DKK3: variants seen among roughly 807,000 people sequenced by gnomAD.
DKK3 encodes the protein dickkopf-related protein 3.
A neutral mutation model predicts 33.2 loss-of-function variants in DKK3; 22 were observed. The observed-to-expected ratio is 0.66, with a 90% CI of 0.47 to 0.95. The LOEUF is 0.95. Among genes scored for constraint, DKK3 ranks in the 40% least tolerant of loss-of-function variants. The probability of loss-of-function intolerance (pLI) is 0.00; values close to 1 mark genes in which losing one functional copy is unlikely to be tolerated. For missense variants in DKK3, 398 were observed against 458.4 expected, an observed-to-expected ratio of 0.87 and a Z score of 1.20; for synonymous variants, 194 against 188.8, an observed-to-expected ratio of 1.03 and a Z score of -0.23.
intron 3 of DKK3, among the ~76,000 whole-genome samples, chr11:11,987,419 C>T (rs532153848): frequency 6.6e-6 from 1 of 152,334 alleles, no homozygotes; most frequent in Middle Eastern, 3.4e-3. Flanking sequence ...AACTACATCC[C>T]TCCCATCTCT....
intron 3 of DKK3, among the ~76,000 whole-genome samples, chr11:11,969,854 G>T (rs1847686483): frequency 6.6e-6 from 1 of 152,202 alleles, no homozygotes; most frequent in African/African-American, 2.4e-5. Context: ...TTTTGTTTCA[G>T]TTACTTTCCC....
rs1280538270 is a variant in DKK3 at position 12,002,346 on chromosome 11, G to GT, written c.304dup (p.Thr102AsnfsTer6). On this transcript the variant is annotated frameshift_variant, in exon 2 of 7. Coordinates refer to ENST00000683431, the MANE Select transcript of DKK3 (RefSeq NM_001018057.2). LOFTEE classifies it high-confidence loss of function. Reference sequence around the variant, plus strand: ...ATGGATGGTATTATTTCCAACCTTCGTGTCTGTGTTGGTCTCATTGTGATA... The same window carrying GT: ...ATGGATGGTATTATTTCCAACCTTCGTTGTCTGTGTTGGTCTCATTGTGATA... 9.3e-6 allele frequency: 15 copies of GT among 1,614,054 alleles called. No individual in the cohort carries two copies. The highest frequency in any genetic ancestry group is 1.2e-5 in the Non-Finnish European group (14 of 1,179,994).
At chr11:11,967,513 G>C (rs559914670) in intron 4 of DKK3, among the ~76,000 whole-genome samples, 7 of 152,362 alleles carry the variant, frequency 4.6e-5, no homozygotes, top group Non-Finnish European at 1.0e-4. Context: ...GTGGGTGCCA[G>C]GGTCCTGCAG....
intron 1 of DKK3, among the ~76,000 whole-genome samples, chr11:12,003,065 C>CT (rs1469870269): frequency 2.0e-5 from 3 of 152,218 alleles, no homozygotes; most frequent in African/African-American, 7.2e-5. Flanking sequence ...GGATGGAGCC[C>CT]TAGATGCCCG....
At chr11:12,009,372 C>A, upstream of DKK3, 2 of 976,268 alleles carry the variant, frequency 2.0e-6, no homozygotes, top group Non-Finnish European at 2.4e-6. Flanking sequence ...CTCTCCGCCC[C>A]CGCCCCGAGC....
At chr11:11,978,268 G>A (rs930746032) in intron 3 of DKK3, among the ~76,000 whole-genome samples, 26 of 152,144 alleles carry the variant, frequency 1.7e-4, no homozygotes, top group African/African-American at 6.3e-4. Context: ...ACATCAGGGT[G>A]CCTGCTCCTG....
upstream of DKK3, chr11:12,009,124 C>T (rs1401395943): frequency 1.9e-5 from 19 of 985,424 alleles, no homozygotes; most frequent in Non-Finnish European, 2.3e-5. Flanking sequence ...CCAAGAGAGG[C>T]TGAGCTCAGC....
chr11:11,964,233 T>C lies in DKK3; in HGVS notation c.*231A>G. The C allele has an allele frequency of 1.7e-6, 1 of 575,980 alleles. No individual in the cohort carries two copies. Among genetic ancestry groups the C allele is most frequent in the Non-Finnish European group, 3.0e-6 (1 of 328,898 alleles). The allele number at this position is 575,980 out of a possible 1,614,324, so 35.7% of individuals were successfully genotyped here. ...AATAATCTGGACAGGGGTGGCAAACTGCTCCTGCAGTTTAACCCTGCCTGA... is the reference window on the plus strand; with the variant it reads ...AATAATCTGGACAGGGGTGGCAAACCGCTCCTGCAGTTTAACCCTGCCTGA... On this transcript the variant is annotated 3_prime_UTR_variant, in exon 7 of 7. Transcript: ENST00000683431.
intron 1 of DKK3, among the ~76,000 whole-genome samples, chr11:12,004,007 T>C (rs1201373551): frequency 6.6e-6 from 1 of 152,218 alleles, no homozygotes; most frequent in East Asian, 1.9e-4. Context: ...GCTGAGATGT[T>C]TGAAACTTGA....
chr11:11,981,156 T>C (rs921305592), intron 3 of DKK3, among the ~76,000 whole-genome samples: 7 of 152,354 alleles, frequency 4.6e-5, no homozygotes, highest in African/African-American at 9.6e-5. Flanking sequence ...TAATGCTGCA[T>C]AACTTCACAG....
At chr11:11,993,076 T>C (rs939986595) in intron 3 of DKK3, among the ~76,000 whole-genome samples, 1 of 152,234 alleles carries the variant, frequency 6.6e-6, no homozygotes, top group African/African-American at 2.4e-5. Flanking sequence ...CTCAAAATTT[T>C]AGATATGCAT....
chr11:12,007,662 A>T (rs2133341158), intron 1 of DKK3, among the ~76,000 whole-genome samples: 1 of 152,284 alleles, frequency 6.6e-6, no homozygotes, highest in South Asian at 2.1e-4. Flanking sequence ...CACATATGAC[A>T]TTTAGTTTTC....
intron 3 of DKK3, among the ~76,000 whole-genome samples, chr11:11,977,606 G>C (rs185749265): frequency 6.6e-6 from 1 of 152,304 alleles, no homozygotes; most frequent in Non-Finnish European, 1.5e-5. Context: ...CTTCTCCGGG[G>C]ACTTAGGGTC....
chr11:11,992,109 T>A (rs1197119179), intron 3 of DKK3, among the ~76,000 whole-genome samples: 1 of 152,224 alleles, frequency 6.6e-6, no homozygotes, highest in African/African-American at 2.4e-5. Flanking sequence ...ACTGATAATT[T>A]TGATAGCCAA....
At chr11:11,989,997 T>C (rs1177050680) in intron 3 of DKK3, among the ~76,000 whole-genome samples, 1 of 152,200 alleles carries the variant, frequency 6.6e-6, no homozygotes, top group Non-Finnish European at 1.5e-5. Flanking sequence ...AAGGGAATAC[T>C]GGGACATGTT....
At chr11:11,965,706 T>C in intron 6 of DKK3, 103 bp downstream of exon 6, 1 of 1,418,222 alleles carries the variant, frequency 7.1e-7, no homozygotes, top group South Asian at 1.4e-5. Flanking sequence ...CTAAAGGGAA[T>C]CTACACCTCC....
chr11:11,966,017 T>A, intron 5 of DKK3, 52 bp from the exon 6 acceptor site: 1 of 1,547,278 alleles, frequency 6.5e-7, no homozygotes, highest in Non-Finnish European at 8.7e-7. Context: ...GTAGAAGGGC[T>A]CCAAAGGGAG....
At chr11:11,989,620 C>T (rs1172917929) in intron 3 of DKK3, among the ~76,000 whole-genome samples, 1 of 152,156 alleles carries the variant, frequency 6.6e-6, no homozygotes, top group Non-Finnish European at 1.5e-5. Flanking sequence ...TATAGCATCT[C>T]TGATTTGCAA....
chr11:12,003,478 T>C (rs963226066), intron 1 of DKK3, among the ~76,000 whole-genome samples: 1 of 152,212 alleles, frequency 6.6e-6, no homozygotes, highest in Non-Finnish European at 1.5e-5. Context: ...ATAACATCTA[T>C]ACCAGATATG....
Sources: allele counts gnomAD v4.1 joint callset (sites outside exome capture counted in the v4.1 genomes callset), GRCh38; gene constraint gnomAD v4.1.1; transcripts MANE v1.5; gene names NCBI Gene and HGNC (gene_info 2026-07-23, HGNC 2026-07-21).